SKOR2: variants seen among roughly 807,000 people sequenced by gnomAD.
SKOR2 encodes the protein SKI family transcriptional corepressor 2.
In SKOR2, 47 loss-of-function variants were observed where a neutral mutation model predicts 69.1. That is an observed-to-expected ratio of 0.68 (90% CI 0.54 to 0.87). The LOEUF (loss-of-function observed/expected upper bound fraction) is 0.87, where lower values mean the gene tolerates loss of function less well. Among genes scored for constraint, SKOR2 ranks in the 40% least tolerant of loss-of-function variants. The pLI, the probability that SKOR2 is intolerant of heterozygous loss-of-function variation, is 0.00. For missense variants in SKOR2, 1,404 were observed against 1,472.2 expected (o/e 0.95, Z 0.76); for synonymous variants, 717 against 672.6 (o/e 1.07, Z -1.02).
At chr18:47,236,240 C>T (rs1260420750) in intron 4 of SKOR2, among the ~76,000 whole-genome samples, 1 of 152,200 alleles carries the variant, frequency 6.6e-6, no homozygotes, top group Non-Finnish European at 1.5e-5. Flanking sequence ...ATCCATCCAT[C>T]TCGCCCTCGC....
intron 3 of SKOR2, among the ~76,000 whole-genome samples, chr18:47,245,237 T>A (rs2064266685): frequency 6.6e-6 from 1 of 152,178 alleles, no homozygotes; most frequent in Admixed American, 6.5e-5. Flanking sequence ...GCAGACATCA[T>A]TCAAATGCAA....
intron 4 of SKOR2, 72 bp from the exon 5 acceptor site, chr18:47,231,072 T>C: frequency 1.3e-6 from 2 of 1,535,078 alleles, no homozygotes; most frequent in East Asian, 4.9e-5. Flanking sequence ...TTACATTTTC[T>C]TTTAATATCT....
At chr18:47,214,994 T>A (rs1351330614) in intron 7 of SKOR2, among the ~76,000 whole-genome samples, 2 of 149,182 alleles carry the variant, frequency 1.3e-5, no homozygotes, top group Middle Eastern at 3.4e-3. Flanking sequence ...TACTGGAGTT[T>A]AAAAAAAAAA....
chr18:47,247,864 G>A lies in SKOR2; in HGVS notation c.1320C>T (p.Gly440=). ...AAEALGGAGA[G]GAGAAPKAGL... The stretch of plus-strand genomic sequence containing the variant: ...CGGCCTTGGGCGCCGCGCCCGCGCC[G>A]CCTGCGCCCGCGCCCCCCAGGGCCT... Residue 440 remains glycine, a synonymous_variant, in exon 2 of 9, where the codon GGC becomes GGT. Coordinates refer to ENST00000425639, the MANE Select transcript of SKOR2 (RefSeq NM_001278063.4). The surrounding 1 kb of genome is among the most constrained non-coding windows in gnomAD (Gnocchi z 6.6). 7.4e-7 allele frequency: 1 copy of A among 1,357,212 alleles called. No homozygotes were observed. The highest frequency in any genetic ancestry group is 9.4e-7 in the Non-Finnish European group (1 of 1,064,946). The allele number at this position is 1,357,212 out of a possible 1,614,324, so 84.1% of individuals were successfully genotyped here. A position where few individuals can be genotyped will look rare whatever the true frequency, so the allele number is the denominator to read the frequency against.
In SKOR2 at chr18:47,248,410, A is replaced by C; in HGVS notation, c.774T>G (p.Ser258=). The change falls in exon 2 of 9, where the codon TCT becomes TCG. Residue 258 remains serine, a synonymous_variant. Transcript: ENST00000425639. The surrounding 1 kb of genome is among the most constrained non-coding windows in gnomAD (Gnocchi z 6.4). ...CGGCGGCCACGGCGGCCGCCTTCAC[A>C]GAGCTGAGCGGGTGGCAGGCGGGGT... ...GAHPACHPLS[S]VKAAAVAAAA... 1 of 1,500,974 alleles carries C rather than the reference A, an allele frequency of 6.7e-7. No individual in the cohort carries two copies. Among genetic ancestry groups the C allele is most frequent in the Non-Finnish European group, 8.9e-7 (1 of 1,127,310 alleles). The allele number at this position is 1,500,974 out of a possible 1,614,324, so 93.0% of individuals were successfully genotyped here.
chr18:47,242,637 C>T (rs1465737026), intron 4 of SKOR2, among the ~76,000 whole-genome samples: 1 of 151,976 alleles, frequency 6.6e-6, no homozygotes, highest in Admixed American at 6.6e-5. Context: ...CAGAAGTAGA[C>T]TTATGAAGAT....
chr18:47,212,495 T>C (rs1050963848), intron 7 of SKOR2, among the ~76,000 whole-genome samples: 1 of 152,246 alleles, frequency 6.6e-6, no homozygotes. Context: ...GATGTTCTAA[T>C]GTATGTTCAA....
At position 47,247,243 on chromosome 18, in the gene SKOR2, G is replaced by A. The variant is rs762890279; in HGVS notation, c.1941C>T (p.Pro647=). ...AKLHGASAGA[P]HSAQTHPHHH... ...GGTGGGGATGCGTCTGGGCCGAGTG[G>A]GGCGCGCCCGCCGACGCCCCGTGCA... is the stretch of plus-strand genomic sequence containing the variant. The change falls in exon 2 of 9, where the codon CCC becomes CCT. Residue 647 remains proline (P), a synonymous_variant. Transcript: ENST00000425639. This position sits in a 1 kb window ranked among gnomAD's most constrained non-coding sequence, Gnocchi z 6.6. 1 of 1,470,112 alleles carries A rather than the reference G, an allele frequency of 6.8e-7. No homozygotes were observed. Among genetic ancestry groups the A allele is most frequent in the South Asian group, 1.3e-5 (1 of 77,876 alleles). 91.1% of individuals were successfully genotyped at this position (1,470,112 alleles called of 1,614,324 possible).
Position 47,247,333 on chromosome 18 carries a change from G to T in SKOR2, c.1851C>A (p.Ser617Arg), listed in dbSNP as rs766558451. 1 of 1,476,666 alleles carries T rather than the reference G, an allele frequency of 6.8e-7. No homozygotes were observed. The highest frequency in any genetic ancestry group is 1.3e-5 in the South Asian group (1 of 78,848). 91.5% of individuals were successfully genotyped at this position (1,476,666 alleles called of 1,614,324 possible). Residue 617 changes from serine (S) to arginine (R), a missense_variant, in exon 2 of 9, where the codon AGC (serine) becomes AGA (arginine). By Grantham distance (110) the Ser-to-Arg change is moderately radical. Around this residue, in one of 3 missense-constraint regions of SKOR2, gnomAD observed 1,266 missense variants for 1,309.9 expected, o/e 0.97. Coordinates refer to ENST00000425639, the MANE Select transcript of SKOR2 (RefSeq NM_001278063.4). This position sits in a 1 kb window ranked among gnomAD's most constrained non-coding sequence, Gnocchi z 6.6. ...GCCGGAAGGCGCTGGAATGGTGGTAGCTGCCACCGCCCGCTTTGCGCCCCT... is the reference window on the plus strand; with the variant it reads ...GCCGGAAGGCGCTGGAATGGTGGTATCTGCCACCGCCCGCTTTGCGCCCCT... ...LLEGRKAGGG[S>R]YHHSSAFRPV...
intron 6 of SKOR2, among the ~76,000 whole-genome samples, chr18:47,223,253 A>G (rs1158827855): frequency 6.6e-6 from 1 of 152,210 alleles, no homozygotes; most frequent in African/African-American, 2.4e-5. Context: ...GGCATTCACA[A>G]AACATATGAA....
chr18:47,247,263 C>G lies in SKOR2; in HGVS notation c.1921G>C (p.Gly641Arg), dbSNP rs773268071. 4 of 1,480,082 alleles carry G rather than the reference C, an allele frequency of 2.7e-6. No homozygotes were observed. The highest frequency in any genetic ancestry group is 2.5e-5 in the South Asian group (2 of 79,378). 91.7% of individuals were successfully genotyped at this position (1,480,082 alleles called of 1,614,324 possible). A position where few individuals can be genotyped will look rare whatever the true frequency, so the allele number is the denominator to read the frequency against. ...DDAESLAKLH[G>R]ASAGAPHSAQ... is the part of the protein sequence containing the mutation. ...GAGTGGGGCGCGCCCGCCGACGCCC[C>G]GTGCAGCTTGGCCAGGCTCTCCGCG... The change falls in exon 2 of 9, where the codon GGG (glycine) becomes CGG (arginine). Residue 641 changes from glycine (G) to arginine (R), a missense_variant. Physicochemically the swap from Gly to Arg is moderately radical, Grantham distance 125. Transcript: ENST00000425639. The surrounding 1 kb of genome is among the most constrained non-coding windows in gnomAD (Gnocchi z 6.6).
intron 6 of SKOR2, among the ~76,000 whole-genome samples, chr18:47,225,629 T>A (rs540220019): frequency 1.5e-4 from 23 of 152,076 alleles, no homozygotes; most frequent in Non-Finnish European, 2.9e-4. Context: ...AAACTCATGG[T>A]ACTAGAAATG....
At chr18:47,249,294 A>G in intron 1 of SKOR2, 64 bp from the exon 2 acceptor site, 1 of 1,314,200 alleles carries the variant, frequency 7.6e-7, no homozygotes, top group Non-Finnish European at 1.0e-6. Context: ...GGGTGGGATG[A>G]ATCGCTAACC....
rs1302482161 is a variant in SKOR2 at position 47,247,217 on chromosome 18, T to C, written c.1967A>G (p.His656Arg). The change falls in exon 2 of 9, where the codon CAC becomes CGC. Residue 656 changes from histidine (H) to arginine (R), a missense_variant. His to Arg is a conservative substitution (Grantham distance 29). This residue lies in a region of SKOR2 where 1,266 missense variants were observed against 1,309.9 expected (regional missense o/e 0.97). Transcript: ENST00000425639. The surrounding 1 kb of genome is among the most constrained non-coding windows in gnomAD (Gnocchi z 6.6). ...APHSAQTHPH[H>R]HHHPHHHHHH... ...GTGGTGGTGGTGAGGGTGGTGATGG[T>C]GGTGGGGATGCGTCTGGGCCGAGTG... 7.0e-7 allele frequency: 1 copy of C among 1,435,768 alleles called. No individual in the cohort carries two copies. Among genetic ancestry groups the C allele is most frequent in the East Asian group, 3.0e-5 (1 of 32,840 alleles). 88.9% of individuals were successfully genotyped at this position (1,435,768 alleles called of 1,614,324 possible).
At chr18:47,217,437 C>T (rs755733313) in intron 7 of SKOR2, among the ~76,000 whole-genome samples, 11 of 152,132 alleles carry the variant, frequency 7.2e-5, no homozygotes, top group Non-Finnish European at 1.2e-4. Flanking sequence ...CTGTTAGGTG[C>T]AGACAGAGCA....
At chr18:47,251,150 T>C (rs1210479661) in intron 1 of SKOR2, among the ~76,000 whole-genome samples, 2 of 151,868 alleles carry the variant, frequency 1.3e-5, no homozygotes, top group East Asian at 2.0e-4. Context: ...GAAGAGACAA[T>C]TAAAAGTTAG....
At position 47,247,250 on chromosome 18, in the gene SKOR2, C is replaced by T; in HGVS notation, c.1934G>A (p.Gly645Asp). Residue 645 changes from glycine to aspartate, a missense_variant, in exon 2 of 9, where the codon GGC becomes GAC. Gly to Asp is a moderately conservative substitution (Grantham distance 94). Transcript: ENST00000425639. The surrounding 1 kb of genome is among the most constrained non-coding windows in gnomAD (Gnocchi z 6.6). ...SLAKLHGASA[G>D]APHSAQTHPH... ...ATGCGTCTGGGCCGAGTGGGGCGCG[C>T]CCGCCGACGCCCCGTGCAGCTTGGC... 6.8e-7 allele frequency: 1 copy of T among 1,470,678 alleles called. No homozygotes were observed. Among genetic ancestry groups the T allele is most frequent in the Non-Finnish European group, 9.0e-7 (1 of 1,116,078 alleles). The allele number at this position is 1,470,678 out of a possible 1,614,324, so 91.1% of individuals were successfully genotyped here.
chr18:47,245,369 G>C, intron 3 of SKOR2, 129 bp downstream of exon 3: 1 of 822,948 alleles, frequency 1.2e-6, no homozygotes. Context: ...AACCAAAAAA[G>C]AGCCCACAAA....
rs371683229 is a variant in SKOR2 at position 47,225,664 on chromosome 18, G to A, written c.2917+4795C>T. 3.3e-5 allele frequency among the ~76,000 whole-genome samples: 5 copies of A among 152,114 alleles called. No individual in the cohort carries two copies. The East Asian group carries it at 5.8e-4, about 18-fold the overall frequency. On this transcript the variant is annotated intron_variant, in intron 6 of 8. Coordinates refer to ENST00000425639, the MANE Select transcript of SKOR2 (RefSeq NM_001278063.4). ...GAACACAACAGGACTTCAGAAAATC[G>A]TGCCTACTGCAAGAGTGGAAAGGCT...
Sources: allele counts gnomAD v4.1 joint callset (sites outside exome capture counted in the v4.1 genomes callset), GRCh38; gene constraint gnomAD v4.1.1; regional missense constraint gnomAD v4.1.1; non-coding constraint Gnocchi (gnomAD v3.1); transcripts MANE v1.5; gene names NCBI Gene and HGNC (gene_info 2026-07-23, HGNC 2026-07-21).